FAM184B: variants seen among roughly 807,000 people sequenced by gnomAD.
FAM184B encodes the protein family with sequence similarity 184 member B.
A neutral mutation model predicts 135.9 loss-of-function variants in FAM184B; 111 were observed. The observed-to-expected ratio is 0.82, with a 90% CI of 0.70 to 0.96. The LOEUF is 0.96. FAM184B is among the 40% of genes least tolerant of loss of function. The pLI, the probability that FAM184B is intolerant of heterozygous loss-of-function variation, is 0.00. For synonymous variants in FAM184B, 552 were observed against 524.8 expected (o/e 1.05, Z -0.71); for missense variants, 1,375 against 1,323.9 (o/e 1.04, Z -0.60).
chr4:17,639,743 T>TATCA (rs1480132753), intron 13 of FAM184B, among the ~76,000 whole-genome samples: 1 of 151,836 alleles, frequency 6.6e-6, no homozygotes, highest in East Asian at 1.9e-4. Context: ...TGAGATTCTC[T>TATCA]ATCAGTATGG....
At chr4:17,644,238 G>T (rs2108932214) in intron 12 of FAM184B, among the ~76,000 whole-genome samples, 1 of 152,340 alleles carries the variant, frequency 6.6e-6, no homozygotes, top group East Asian at 1.9e-4. Context: ...TATGAAAAGT[G>T]ATGCTGGTCA....
chr4:17,721,399 A>AAAAAAAAAAAAAAAG, intron 1 of FAM184B, among the ~76,000 whole-genome samples: 1 of 149,798 alleles, frequency 6.7e-6, no homozygotes, highest in African/African-American at 2.4e-5. Flanking sequence ...AAAAAAAAAA[A>AAAAAAAAAAAAAAAG]AAAAAAATCT....
At chr4:17,680,814 T>G (rs1421492996) in intron 7 of FAM184B, among the ~76,000 whole-genome samples, 2 of 152,242 alleles carry the variant, frequency 1.3e-5, no homozygotes, top group Non-Finnish European at 2.9e-5. Context: ...GTCCTCATCT[T>G]TCATCTTCCA....
intron 1 of FAM184B, among the ~76,000 whole-genome samples, chr4:17,764,561 G>C (rs969131937): frequency 6.6e-6 from 1 of 152,152 alleles, no homozygotes; most frequent in Non-Finnish European, 1.5e-5. Flanking sequence ...ATTAATGGAG[G>C]TTCTAAAGAT....
chr4:17,638,803 TGAAG>T (rs1715225173), intron 14 of FAM184B, among the ~76,000 whole-genome samples: 1 of 150,208 alleles, frequency 6.7e-6, no homozygotes, highest in Admixed American at 6.6e-5. Context: ...CCTCATAAAA[TGAAG>T]GGAGACTGAT....
chr4:17,639,201 T>C, intron 14 of FAM184B, 49 bp downstream of exon 14: 1 of 1,537,750 alleles, frequency 6.5e-7, no homozygotes, highest in African/African-American at 1.4e-5. Flanking sequence ...GCCACCCTAC[T>C]GAATGGTACA....
At chr4:17,635,263 G>A in intron 15 of FAM184B, 150 bp from the exon 16 acceptor site, 1 of 595,322 alleles carries the variant, frequency 1.7e-6, no homozygotes, top group Non-Finnish European at 2.9e-6. Flanking sequence ...AGGCACTGAA[G>A]CTTTTGAGGA....
chr4:17,641,643 CTTT>C (rs34886078), intron 13 of FAM184B, among the ~76,000 whole-genome samples: 140 of 24,344 alleles, frequency 5.8e-3, no homozygotes, highest in African/African-American at 0.02. Context: ...CACGCCCGGC[CTTT>C]TTTTTTTTTT....
intron 11 of FAM184B, among the ~76,000 whole-genome samples, chr4:17,650,265 G>A (rs1043715406): frequency 2.0e-5 from 3 of 151,450 alleles, no homozygotes; most frequent in African/African-American, 7.3e-5. Context: ...CCCTCTCACA[G>A]GGACCTATAG....
chr4:17,639,114 T>TGAG (rs1393906862), intron 14 of FAM184B, 136 bp downstream of exon 14: 1 of 842,612 alleles, frequency 1.2e-6, no homozygotes, highest in East Asian at 2.7e-5. Flanking sequence ...ATTCCAGGCA[T>TGAG]GAGCCACCGT....
intron 1 of FAM184B, among the ~76,000 whole-genome samples, chr4:17,765,089 G>A (rs1329217907): frequency 6.6e-6 from 1 of 152,158 alleles, no homozygotes; most frequent in Non-Finnish European, 1.5e-5. Context: ...AAGTAATTCT[G>A]CCATTGTCCT....
In FAM184B at chr4:17,725,143, C is replaced by T. The variant is rs192038748; in HGVS notation, c.142-15499G>A. 1.2e-3 allele frequency among the ~76,000 whole-genome samples: 186 copies of T among 152,232 alleles called. 2 individuals are homozygous for T. Among genetic ancestry groups the T allele is most frequent in the African/African-American group, 4.2e-3 (173 of 41,544 alleles). On this transcript the variant is annotated intron_variant, in intron 1 of 17. Coordinates refer to ENST00000265018, the MANE Select transcript of FAM184B (RefSeq NM_015688.2). ...AACATAGGGTCAGGCAATGTGCAGG[C>T]ATACGGCAGGTCCTCAGGGACAGGA...
intron 14 of FAM184B, 140 bp from the exon 15 acceptor site, chr4:17,636,785 G>A (rs922206470): frequency 5.5e-5 from 37 of 670,456 alleles, no homozygotes; most frequent in African/African-American, 2.8e-4. Flanking sequence ...GCTTGCCCAG[G>A]GCCCCCTGGG....
chr4:17,678,697 A>G (rs1402424410), intron 7 of FAM184B, among the ~76,000 whole-genome samples: 1 of 152,100 alleles, frequency 6.6e-6, no homozygotes, highest in East Asian at 1.9e-4. Context: ...TTCATATGGT[A>G]AAAAAAGGAA....
chr4:17,689,981 T>A (rs1333468111), intron 6 of FAM184B, among the ~76,000 whole-genome samples: 2 of 151,912 alleles, frequency 1.3e-5, no homozygotes. Context: ...AAACCCCATC[T>A]CTACTAAAAA....
chr4:17,758,581 C>T (rs766815763), intron 1 of FAM184B, among the ~76,000 whole-genome samples: 11 of 152,172 alleles, frequency 7.2e-5, no homozygotes, highest in Non-Finnish European at 1.5e-4. Flanking sequence ...AAGGTTTGAC[C>T]TCTAGTGCCC....
intron 1 of FAM184B, among the ~76,000 whole-genome samples, chr4:17,762,412 A>G (rs1384617410): frequency 6.6e-6 from 1 of 152,188 alleles, no homozygotes; most frequent in African/African-American, 2.4e-5. Context: ...GGGCATGGCT[A>G]AGGGGATCTG....
At chr4:17,687,257 T>C (rs2108955692) in intron 7 of FAM184B, among the ~76,000 whole-genome samples, 1 of 152,260 alleles carries the variant, frequency 6.6e-6, no homozygotes, top group South Asian at 2.1e-4. Flanking sequence ...CTGACCCATG[T>C]AGTGTTTTCC....
Position 17,686,945 on chromosome 4 carries a change from AC to A in FAM184B, c.1596+1478del, listed in dbSNP as rs1716602900. 3.9e-5 allele frequency among the ~76,000 whole-genome samples: 6 copies of A among 152,296 alleles called. No individual in the cohort carries two copies. The South Asian group carries it at 1.0e-3, about 26-fold the overall frequency. On this transcript the variant is annotated intron_variant, in intron 7 of 17. Transcript: ENST00000265018. ...AACAGAGAAAGACCCTGTCTCAAAAACAAAAAAACTCCAGTGAAGTCAAAGA... is the reference window on the plus strand; with the variant it reads ...AACAGAGAAAGACCCTGTCTCAAAAAAAAAAAACTCCAGTGAAGTCAAAGA...
Sources: allele counts gnomAD v4.1 joint callset (sites outside exome capture counted in the v4.1 genomes callset), GRCh38; gene constraint gnomAD v4.1.1; transcripts MANE v1.5; gene names NCBI Gene and HGNC (gene_info 2026-07-23, HGNC 2026-07-21).